Variants in PGD observed in about 807,000 individuals in gnomAD.
The protein encoded by PGD is phosphogluconate dehydrogenase.
A neutral mutation model predicts 60.4 loss-of-function variants in PGD; 21 were observed. The observed-to-expected ratio is 0.35, with a 90% CI of 0.25 to 0.50. The LOEUF is 0.50. Among genes scored for constraint, PGD ranks in the 20% least tolerant of loss-of-function variants. The probability of loss-of-function intolerance (pLI) is 0.98; values close to 1 mark genes in which losing one functional copy is unlikely to be tolerated. For missense variants in PGD, 477 were observed against 613.1 expected (o/e 0.78, Z 2.34); for synonymous variants, 230 against 235.9 (o/e 0.97, Z 0.23).
intron 5 of PGD, among the ~76,000 whole-genome samples, chr1:10,406,202 CTTCA>C (rs1639401609): frequency 1.3e-5 from 2 of 152,196 alleles, no homozygotes; most frequent in Non-Finnish European, 2.9e-5. Flanking sequence ...TGGGGATTCT[CTTCA>C]GTGTGTTATT....
intron 6 of PGD, among the ~76,000 whole-genome samples, chr1:10,410,905 C>T (rs1639488429): frequency 6.6e-6 from 1 of 151,576 alleles, no homozygotes; most frequent in Non-Finnish European, 1.5e-5. Context: ...CCTTTCTGGG[C>T]TTACAAGGTT....
chr1:10,401,973 C>A (rs1639322812), intron 3 of PGD, among the ~76,000 whole-genome samples: 1 of 152,122 alleles, frequency 6.6e-6, no homozygotes, highest in South Asian at 2.1e-4. Context: ...CGAGATCACA[C>A]CACTGCATTG....
Position 10,399,182 on chromosome 1 carries a change from G to C in PGD, c.8+57G>C, listed in dbSNP as rs539872588. ...GCCTCAGCGGGCGGGGAACTCTTTGGGGGTCGAGATCTCCCTCGTTCTCTC... is the reference window on the plus strand; with the variant it reads ...GCCTCAGCGGGCGGGGAACTCTTTGCGGGTCGAGATCTCCCTCGTTCTCTC... On this transcript the variant is annotated intron_variant, in intron 1 of 12. Transcript: ENST00000270776. The C allele has an allele frequency of 5.0e-6, 8 of 1,592,280 alleles. No homozygotes were observed. In the African/African-American group the frequency reaches 1.1e-4, roughly 21 times the overall value.
At chr1:10,415,060 C>T (rs1322518574) in intron 8 of PGD, among the ~76,000 whole-genome samples, 1 of 150,946 alleles carries the variant, frequency 6.6e-6, no homozygotes, top group Non-Finnish European at 1.5e-5. Context: ...CACTGCACTC[C>T]AGGCTGGGCG....
intron 8 of PGD, among the ~76,000 whole-genome samples, chr1:10,414,048 T>C (rs1363287737): frequency 6.6e-6 from 1 of 152,160 alleles, no homozygotes. Context: ...AGAATGAGAC[T>C]CCATCCCCTC....
intron 7 of PGD, 111 bp from the exon 8 acceptor site, chr1:10,412,951 G>A: frequency 1.1e-6 from 1 of 876,300 alleles, no homozygotes. Flanking sequence ...GCAGACGCGA[G>A]CAGAGCCTGC....
intron 5 of PGD, among the ~76,000 whole-genome samples, chr1:10,405,511 A>G (rs1639387486): frequency 6.8e-6 from 1 of 147,902 alleles, no homozygotes. Context: ...AAGTACTGGG[A>G]TTACAGGCGT....
chr1:10,418,861 G>A lies in PGD; in HGVS notation c.1145G>A (p.Arg382Gln), dbSNP rs1200461855. The A allele has an allele frequency of 2.5e-6, 4 of 1,610,722 alleles. No individual in the cohort carries two copies. Among genetic ancestry groups the A allele is most frequent in the East Asian group, 4.5e-5 (2 of 44,854 alleles). Reference sequence around the variant, plus strand: ...GGAAAGATAAAGGATGCATTTGATCGAAACCCGGAACTTCAGAACCTCCTA... The same window carrying A: ...GGAAAGATAAAGGATGCATTTGATCAAAACCCGGAACTTCAGAACCTCCTA... ...FLGKIKDAFD[R>Q]NPELQNLLLD... Residue 382 changes from arginine to glutamine, a missense_variant, in exon 11 of 13, where the codon CGA (arginine) becomes CAA (glutamine). Arg to Gln is a conservative substitution (Grantham distance 43, BLOSUM62 1). This residue lies in a region of PGD where 431 missense variants were observed against 556.6 expected (regional missense o/e 0.77). Coordinates refer to ENST00000270776, the MANE Select transcript of PGD (RefSeq NM_002631.4).
chr1:10,414,045 G>C (rs538546539), intron 8 of PGD, among the ~76,000 whole-genome samples: 48 of 152,288 alleles, frequency 3.2e-4, no homozygotes, highest in African/African-American at 1.1e-3. Context: ...AACAGAATGA[G>C]ACTCCATCCC....
intron 8 of PGD, among the ~76,000 whole-genome samples, chr1:10,414,358 G>A (rs533279948): frequency 8.6e-4 from 131 of 151,758 alleles, no homozygotes; most frequent in Middle Eastern, 3.4e-3. Context: ...AATCTTGGCC[G>A]GGGGGGTGGT....
At chr1:10,415,500 C>G (rs1639580794) in intron 8 of PGD, 1 of 152,232 alleles carries the variant, frequency 6.6e-6, no homozygotes, top group Non-Finnish European at 1.5e-5. Flanking sequence ...TATTTGTGAA[C>G]TAACAGGGAA....
intron 5 of PGD, among the ~76,000 whole-genome samples, chr1:10,404,897 A>G (rs1348994198): frequency 6.6e-6 from 1 of 152,162 alleles, no homozygotes; most frequent in Non-Finnish European, 1.5e-5. Context: ...ATAACCCAAA[A>G]GTAACTTAAT....
chr1:10,417,197 C>T (rs1639611207), intron 9 of PGD, 80 bp downstream of exon 9: 2 of 1,530,044 alleles, frequency 1.3e-6, no homozygotes, highest in Non-Finnish European at 9.0e-7. Flanking sequence ...GGAGAACACT[C>T]GAGGCCACAG....
chr1:10,413,252 G>C lies in PGD; in HGVS notation c.844+1G>C. 6.2e-7 allele frequency: 1 copy of C among 1,613,186 alleles called. No individual in the cohort carries two copies. The highest frequency in any genetic ancestry group is 8.5e-7 in the Non-Finnish European group (1 of 1,179,240). On this transcript the variant is annotated splice_donor_variant, in intron 8 of 12. Transcript: ENST00000270776. LOFTEE classifies it high-confidence loss of function. Reference sequence around the variant, plus strand: ...TACGGCGTACCCGTCACCCTCATTGGTAATGTTATGCTTTTCACATGGGCC... The same window carrying C: ...TACGGCGTACCCGTCACCCTCATTGCTAATGTTATGCTTTTCACATGGGCC...
chr1:10,418,928 A>G lies in PGD; in HGVS notation c.1209+3A>G, dbSNP rs746449120. The G allele has an allele frequency of 5.2e-6, 8 of 1,548,216 alleles. No homozygotes were observed. The highest frequency in any genetic ancestry group is 4.5e-6 in the Non-Finnish European group (5 of 1,120,292). ...AGTCAGCTGTTGAAAACTGCCAGGTATGTAGCCTAGGGCTGGTGCCATGGT... is the reference window on the plus strand; with the variant it reads ...AGTCAGCTGTTGAAAACTGCCAGGTGTGTAGCCTAGGGCTGGTGCCATGGT... On this transcript the variant is annotated splice_donor_region_variant and intron_variant, in intron 11 of 12. Coordinates refer to ENST00000270776, the MANE Select transcript of PGD (RefSeq NM_002631.4).
At chr1:10,400,026 T>C in intron 2 of PGD, 1 of 439,578 alleles carries the variant, frequency 2.3e-6, no homozygotes, top group Non-Finnish European at 4.1e-6. Flanking sequence ...CCTGATGAGA[T>C]CTGGGGAGAG....
Position 10,411,525 on chromosome 1 carries a change from G to A in PGD, c.627G>A (p.Leu209=). ...CATACCACCTGATGAAAGACGTGCT[G>A]GGCATGGCGCAGGACGAGATGGCCC... is the stretch of plus-strand genomic sequence containing the variant. ...CEAYHLMKDV[L]GMAQDEMAQA... The change falls in exon 7 of 13, where the codon CTG becomes CTA. Residue 209 remains leucine, a synonymous_variant. Transcript: ENST00000270776. 1 of 1,614,102 alleles carries A rather than the reference G, an allele frequency of 6.2e-7. No homozygotes were observed. Among genetic ancestry groups the A allele is most frequent in the Non-Finnish European group, 8.5e-7 (1 of 1,180,016 alleles).
chr1:10,399,668 G>C lies in PGD; in HGVS notation c.48G>C (p.Gln16His), dbSNP rs914015293. Residue 16 changes from glutamine (Q) to histidine (H), a missense_variant, in exon 2 of 13, where the codon CAG (glutamine) becomes CAC (histidine). Coordinates refer to ENST00000270776, the MANE Select transcript of PGD (RefSeq NM_002631.4). ...TGATCGGATTGGCCGTCATGGGCCA[G>C]AACTTAATTCTGAACATGAATGACC... Reference protein sequence around the residue: ...IALIGLAVMGQNLILNMNDHG... With the variant: ...IALIGLAVMGHNLILNMNDHG... 1.2e-6 allele frequency: 2 copies of C among 1,614,086 alleles called. No individual in the cohort carries two copies. The highest frequency in any genetic ancestry group is 1.7e-6 in the Non-Finnish European group (2 of 1,179,990).
At chr1:10,399,225 G>T in intron 1 of PGD, 100 bp downstream of exon 1, 1 of 1,391,802 alleles carries the variant, frequency 7.2e-7, no homozygotes, top group South Asian at 1.2e-5. Flanking sequence ...TCCCACCCTG[G>T]GGGTCGCCTG....
Sources: allele counts gnomAD v4.1 joint callset (sites outside exome capture counted in the v4.1 genomes callset), GRCh38; gene constraint gnomAD v4.1.1; regional missense constraint gnomAD v4.1.1; transcripts MANE v1.5; gene names NCBI Gene and HGNC (gene_info 2026-07-23, HGNC 2026-07-21).